Variants in AKAP19 observed in about 807,000 individuals in gnomAD.
The protein encoded by AKAP19 is A-kinase anchoring protein 19.
At chr2:189,968,454 G>T in the AKAP19 span, among the ~76,000 whole-genome samples, 1 of 152,110 alleles carries the variant, frequency 6.6e-6, no homozygotes, top group African/African-American at 2.4e-5. Flanking sequence ...TGCCCAGGCT[G>T]GTCTTCACCT....
At chr2:190,017,959 T>C in the AKAP19 span, among the ~76,000 whole-genome samples, 1 of 152,214 alleles carries the variant, frequency 6.6e-6, no homozygotes, top group Non-Finnish European at 1.5e-5. Flanking sequence ...TCCCTTCAGC[T>C]TTGTATCATC....
chr2:190,011,356 C>T, the AKAP19 span, among the ~76,000 whole-genome samples: 2 of 152,134 alleles, frequency 1.3e-5, no homozygotes, highest in African/African-American at 2.4e-5. Flanking sequence ...CCACCACACC[C>T]AGCACCATTC....
chr2:189,923,610 G>T, the AKAP19 span: 5 of 1,614,108 alleles, frequency 3.1e-6, no homozygotes, highest in Non-Finnish European at 3.4e-6. Flanking sequence ...AAAGTGAACC[G>T]AGGAAAAGCA....
chr2:190,046,932 T>C, the AKAP19 span, among the ~76,000 whole-genome samples: 2 of 152,214 alleles, frequency 1.3e-5, no homozygotes, highest in African/African-American at 4.8e-5. Flanking sequence ...TGAGAAGTGA[T>C]ATATAGGCTT....
the AKAP19 span, among the ~76,000 whole-genome samples, chr2:190,017,488 A>G: frequency 2.0e-5 from 3 of 152,178 alleles, no homozygotes; most frequent in African/African-American, 7.2e-5. Context: ...TATACATATA[A>G]CAGGCTATTT....
the AKAP19 span, among the ~76,000 whole-genome samples, chr2:189,911,351 T>C: frequency 3.8e-4 from 58 of 152,214 alleles, no homozygotes; most frequent in African/African-American, 1.1e-3. Flanking sequence ...GAAGTGGAGG[T>C]ACATGCATTA....
At chr2:189,914,497 G>C in the AKAP19 span, among the ~76,000 whole-genome samples, 1 of 152,032 alleles carries the variant, frequency 6.6e-6, no homozygotes, top group East Asian at 1.9e-4. Context: ...CCAGCAGTAA[G>C]CTAAATAGGA....
the AKAP19 span, among the ~76,000 whole-genome samples, chr2:190,127,866 G>T: frequency 5.3e-5 from 8 of 152,074 alleles, no homozygotes; most frequent in East Asian, 1.4e-3. Context: ...GGTTTTATGT[G>T]GTTCAAGGAG....
chr2:189,909,517 T>A, the AKAP19 span, among the ~76,000 whole-genome samples: 1 of 152,040 alleles, frequency 6.6e-6, no homozygotes, highest in Non-Finnish European at 1.5e-5. Context: ...CTTTTTGGTA[T>A]CTATTGTAGG....
the AKAP19 span, among the ~76,000 whole-genome samples, chr2:190,067,705 CATA>C: frequency 6.6e-6 from 1 of 152,244 alleles, no homozygotes; most frequent in Admixed American, 6.5e-5. Flanking sequence ...TGGCAATCCT[CATA>C]ATAATGTCCT....
At chr2:190,112,021 C>T in the AKAP19 span, among the ~76,000 whole-genome samples, 1 of 152,148 alleles carries the variant, frequency 6.6e-6, no homozygotes, top group African/African-American at 2.4e-5. Flanking sequence ...CCTCAGCCTC[C>T]TGAGTAGCTG....
the AKAP19 span, among the ~76,000 whole-genome samples, chr2:190,008,592 A>C: frequency 9.9e-5 from 15 of 152,192 alleles, no homozygotes; most frequent in Non-Finnish European, 1.6e-4. Flanking sequence ...TTAAAGATGA[A>C]AATAAAAAGT....
At chr2:190,111,943 G>T in the AKAP19 span, among the ~76,000 whole-genome samples, 1 of 152,008 alleles carries the variant, frequency 6.6e-6, no homozygotes, top group African/African-American at 2.4e-5. Context: ...TGTCGCCCAG[G>T]CTGGAGTGCA....
the AKAP19 span, among the ~76,000 whole-genome samples, chr2:190,118,145 C>T: frequency 2.0e-5 from 3 of 152,184 alleles, no homozygotes; most frequent in Non-Finnish European, 4.4e-5. Flanking sequence ...TGGACACATA[C>T]ACCCTCCCAA....
At chr2:190,084,460 G>A in the AKAP19 span, among the ~76,000 whole-genome samples, 1 of 152,136 alleles carries the variant, frequency 6.6e-6, no homozygotes, top group African/African-American at 2.4e-5. Flanking sequence ...CCACTGATGG[G>A]AAGTATAGTT....
chr2:189,964,732 G>C, the AKAP19 span, among the ~76,000 whole-genome samples: 2 of 152,146 alleles, frequency 1.3e-5, no homozygotes, highest in African/African-American at 4.8e-5. Context: ...TTCTCCTGGA[G>C]CTTCTTTATC....
At chr2:190,064,504 A>G in the AKAP19 span, among the ~76,000 whole-genome samples, 1 of 147,354 alleles carries the variant, frequency 6.8e-6, no homozygotes, top group Non-Finnish European at 1.5e-5. Flanking sequence ...CAACTTTGCC[A>G]CTTCTAACTA....
chr2:190,029,898 C>T, the AKAP19 span, among the ~76,000 whole-genome samples: 1 of 152,092 alleles, frequency 6.6e-6, no homozygotes, highest in East Asian at 1.9e-4. Flanking sequence ...CAAATGTTAA[C>T]AGTAGATGGC....
chr2:190,176,424 T>TGCA, the AKAP19 span, among the ~76,000 whole-genome samples: 1 of 151,786 alleles, frequency 6.6e-6, no homozygotes, highest in African/African-American at 2.4e-5. This position sits in a 1 kb window ranked among gnomAD's most constrained non-coding sequence, Gnocchi z 4.7. Flanking sequence ...CTCGGCTCAC[T>TGCA]GCAACCTCCA....
Sources: allele counts gnomAD v4.1 joint callset (sites outside exome capture counted in the v4.1 genomes callset), GRCh38; gene constraint gnomAD v4.1.1; non-coding constraint Gnocchi (gnomAD v3.1); transcripts MANE v1.5; gene names NCBI Gene and HGNC (gene_info 2026-07-23, HGNC 2026-07-21).